Variants in MON2 observed in about 807,000 individuals in gnomAD.
MON2 encodes the protein MON2 regulator of endosome-to-Golgi trafficking.
A neutral mutation model predicts 208.6 loss-of-function variants in MON2; 84 were observed. The observed-to-expected ratio is 0.40, with a 90% confidence interval of 0.34 to 0.48. MON2 has a LOEUF of 0.48. Among genes scored for constraint, MON2 ranks in the 20% least tolerant of loss-of-function variants. The pLI, the probability that MON2 is intolerant of heterozygous loss-of-function variation, is 0.59. For missense variants in MON2, 1,611 were observed against 2,015.4 expected (o/e 0.80, Z 3.84); for synonymous variants, 660 against 694.0 (o/e 0.95, Z 0.77).
chr12:62,572,048 G>A (rs2074613420), intron 30 of MON2, among the ~76,000 whole-genome samples: 1 of 152,188 alleles, frequency 6.6e-6, no homozygotes, highest in Non-Finnish European at 1.5e-5. Flanking sequence ...TATTTAGGAT[G>A]CTATTTCAAC....
intron 16 of MON2, 128 bp downstream of exon 16, chr12:62,537,834 A>C: frequency 1.3e-6 from 1 of 764,770 alleles, no homozygotes; most frequent in South Asian, 1.9e-5. Flanking sequence ...GAAAAAAGAG[A>C]AGTTAGAAAG....
At chr12:62,575,514 CTT>C (rs2074739832) in intron 30 of MON2, among the ~76,000 whole-genome samples, 1 of 152,186 alleles carries the variant, frequency 6.6e-6, no homozygotes, top group Non-Finnish European at 1.5e-5. Flanking sequence ...AATAGCAAGA[CTT>C]AATGAATTTA....
At chr12:62,567,670 A>G (rs140589853) in intron 29 of MON2, among the ~76,000 whole-genome samples, 2 of 152,272 alleles carry the variant, frequency 1.3e-5, no homozygotes, top group Non-Finnish European at 2.9e-5. Context: ...CTCTCACTTT[A>G]TTTATTGAGC....
intron 1 of MON2, among the ~76,000 whole-genome samples, chr12:62,482,183 G>A (rs2069485203): frequency 6.6e-6 from 1 of 152,196 alleles, no homozygotes; most frequent in Non-Finnish European, 1.5e-5. Context: ...AGCATAGGCT[G>A]CCAGCAGGGC....
intron 7 of MON2, among the ~76,000 whole-genome samples, chr12:62,507,609 A>G (rs1444151862): frequency 6.6e-6 from 1 of 152,066 alleles, no homozygotes; most frequent in Non-Finnish European, 1.5e-5. Context: ...CTGAGCCACC[A>G]TGCCTGGCTG....
At chr12:62,587,605 A>G (rs1375890276) in intron 33 of MON2, among the ~76,000 whole-genome samples, 1 of 151,750 alleles carries the variant, frequency 6.6e-6, no homozygotes, top group Admixed American at 6.6e-5. Flanking sequence ...TAGCCAGACA[A>G]TGTGGCATGC....
At chr12:62,536,627 GA>G (rs2072985814) in intron 14 of MON2, among the ~76,000 whole-genome samples, 1 of 151,704 alleles carries the variant, frequency 6.6e-6, no homozygotes, top group African/African-American at 2.4e-5. Flanking sequence ...ATGTTGTATA[GA>G]AAATTACTTA....
intron 1 of MON2, among the ~76,000 whole-genome samples, chr12:62,481,682 A>G (rs2069452010): frequency 6.6e-6 from 1 of 152,182 alleles, no homozygotes; most frequent in Non-Finnish European, 1.5e-5. Context: ...GAAGTAATTC[A>G]TTTTGACCAT....
intron 2 of MON2, chr12:62,484,895 A>G (rs920854749): frequency 6.8e-6 from 1 of 146,924 alleles, no homozygotes; most frequent in Non-Finnish European, 1.5e-5. Context: ...AATAATGAAC[A>G]TGGAAAAGAG....
intron 7 of MON2, among the ~76,000 whole-genome samples, chr12:62,504,387 G>A (rs1374085524): frequency 6.6e-6 from 1 of 151,490 alleles, no homozygotes; most frequent in African/African-American, 2.4e-5. Context: ...TGGGACCACA[G>A]GTGCCCGCCA....
At chr12:62,541,670 TC>T (rs1307654611) in intron 19 of MON2, among the ~76,000 whole-genome samples, 1 of 152,214 alleles carries the variant, frequency 6.6e-6, no homozygotes, top group Non-Finnish European at 1.5e-5. Context: ...TATGTCTCAT[TC>T]CAAAGCTCTG....
chr12:62,538,470 C>G lies in MON2; in HGVS notation c.2329C>G (p.Leu777Val). The G allele has an allele frequency of 6.2e-7, 1 of 1,609,984 alleles. No homozygotes were observed. The highest frequency in any genetic ancestry group is 8.5e-7 in the Non-Finnish European group (1 of 1,176,774). ...AATAAATGCACTTTGCTCCTTGTCT[C>G]TAGAAGCAATGGATATGGCCTATGG... The part of the protein sequence containing the change: ...HLINALCSLS[L>V]EAMDMAYGNN... Residue 777 changes from leucine (L) to valine (V), a missense_variant, in exon 19 of 35, where the codon CTA becomes GTA. By Grantham distance (32) the Leu-to-Val change is conservative. Coordinates refer to ENST00000393630, the MANE Select transcript of MON2 (RefSeq NM_015026.3).
rs1169367808 is a variant in MON2, at chr12:62,467,026, A to G, written c.-182A>G. On this transcript the variant is annotated 5_prime_UTR_variant, in exon 1 of 35. Transcript: ENST00000393630. ...GGGGGGCGCCTCCGAGAAAAGCCAG[A>G]GGTGTTGCGGGGAAGCTGCTGGGGG... The G allele has an allele frequency of 1.5e-5, 8 of 527,812 alleles. No individual in the cohort carries two copies. Among genetic ancestry groups the G allele is most frequent in the Non-Finnish European group, 2.4e-5 (7 of 297,212 alleles). The allele number at this position is 527,812 out of a possible 1,614,324, so 32.7% of individuals were successfully genotyped here. A position where few individuals can be genotyped will look rare whatever the true frequency, so the allele number is the denominator to read the frequency against.
Position 62,597,135 on chromosome 12 carries a change from GTTGT to G in MON2, c.*4390_*4393del, listed in dbSNP as rs1280755432. 6.6e-6 allele frequency: 1 copy of G among 152,144 alleles called. No homozygotes were observed. The highest frequency in any genetic ancestry group is 2.4e-5 in the African/African-American group (1 of 41,420). The allele number at this position is 152,144 out of a possible 1,614,324, so 9.4% of individuals were successfully genotyped here. A position where few individuals can be genotyped will look rare whatever the true frequency, so the allele number is the denominator to read the frequency against. On this transcript the variant is annotated 3_prime_UTR_variant, in exon 35 of 35. Transcript: ENST00000393630. ...TGATTTTAATGACAGGGTAATTCAA[GTTGT>G]TTGATAAATTTATTACTATATTGTA...
At chr12:62,534,536 A>T (rs1183411567) in intron 12 of MON2, among the ~76,000 whole-genome samples, 675 of 27,930 alleles carry the variant, frequency 0.024, 23 homozygotes, top group African/African-American at 0.063. Context: ...AAAAAAAAAA[A>T]AAAAAAATAT....
At chr12:62,539,771 C>T (rs1283918861) in intron 19 of MON2, among the ~76,000 whole-genome samples, 1 of 152,008 alleles carries the variant, frequency 6.6e-6, no homozygotes. Flanking sequence ...AATCCCAGCA[C>T]TGCAGGAGGC....
intron 2 of MON2, among the ~76,000 whole-genome samples, chr12:62,486,986 G>C (rs2069836362): frequency 6.6e-6 from 1 of 152,012 alleles, no homozygotes; most frequent in Non-Finnish European, 1.5e-5. Context: ...TATTTTCCAA[G>C]GGAATATTAT....
chr12:62,539,730 A>G (rs61919486), intron 19 of MON2, among the ~76,000 whole-genome samples: 96 of 151,534 alleles, frequency 6.3e-4, no homozygotes, highest in Middle Eastern at 3.4e-3. Context: ...GAAAGTATGT[A>G]TTATGGCTGG....
chr12:62,484,283 G>GT, intron 2 of MON2, 50 bp downstream of exon 2: 2 of 1,178,262 alleles, frequency 1.7e-6, no homozygotes, highest in Non-Finnish European at 2.4e-6. Flanking sequence ...TTGACTAATA[G>GT]TAAAAGTAGA....
Sources: allele counts gnomAD v4.1 joint callset (sites outside exome capture counted in the v4.1 genomes callset), GRCh38; gene constraint gnomAD v4.1.1; transcripts MANE v1.5; gene names NCBI Gene and HGNC (gene_info 2026-07-23, HGNC 2026-07-21).